Variants in DAAM1 observed in about 807,000 individuals in gnomAD.
DAAM1 encodes the protein dishevelled associated activator of morphogenesis 1.
Under a neutral mutation model 130.0 loss-of-function variants are expected in DAAM1, and 52 were observed. The ratio of observed to expected loss-of-function variants is 0.40; its 90% CI spans 0.32 to 0.50. The LOEUF is 0.50. DAAM1 is among the 20% of genes least tolerant of loss of function. The pLI, the probability that DAAM1 is intolerant of heterozygous loss-of-function variation, is 0.61. For synonymous variants in DAAM1, 452 were observed against 444.5 expected (o/e 1.02, Z -0.21); for missense variants, 1,134 against 1,303.8 (o/e 0.87, Z 2.01).
At chr14:59,347,466 G>T in intron 16 of DAAM1, 73 bp from the exon 17 acceptor site, 5 of 1,372,618 alleles carry the variant, frequency 3.6e-6, no homozygotes, top group Non-Finnish European at 5.1e-6. Flanking sequence ...CAGCAGCTGG[G>T]GTAGCAAAGT....
intron 23 of DAAM1, among the ~76,000 whole-genome samples, chr14:59,364,958 T>C (rs891924618): frequency 6.6e-6 from 1 of 152,200 alleles, no homozygotes; most frequent in East Asian, 1.9e-4. Flanking sequence ...CTCACCACTT[T>C]AGAGTTTGTG....
intron 6 of DAAM1, among the ~76,000 whole-genome samples, chr14:59,323,597 A>G (rs1885100857): frequency 6.6e-6 from 1 of 152,232 alleles, no homozygotes; most frequent in Non-Finnish European, 1.5e-5. Flanking sequence ...TTGGATGTAA[A>G]AAGCAAGCAG....
At chr14:59,205,883 G>C (rs1359649721) in intron 1 of DAAM1, among the ~76,000 whole-genome samples, 1 of 152,116 alleles carries the variant, frequency 6.6e-6, no homozygotes, top group Non-Finnish European at 1.5e-5. Flanking sequence ...TTCTGTAAAG[G>C]TTCGGGTGGT....
intron 3 of DAAM1, among the ~76,000 whole-genome samples, chr14:59,314,505 G>A (rs1304341171): frequency 6.6e-6 from 1 of 150,540 alleles, no homozygotes; most frequent in African/African-American, 2.4e-5. Flanking sequence ...TTGAGATTTG[G>A]CTTCAGGTTG....
rs752161436 is a variant in DAAM1, at chr14:59,350,024, CCTCT to C, written c.2160+2406_2160+2409del. 7.4e-4 allele frequency among the ~76,000 whole-genome samples: 112 copies of C among 152,132 alleles called. No homozygotes were observed. In the Middle Eastern group the frequency reaches 0.02, roughly 28 times the overall value. ...CTGAGGGAGGCTGGGGTGATGCTTT[CCTCT>C]CTCTTTTTCTTCCCTTCTTCTTGCC... is the stretch of plus-strand genomic sequence containing the variant. On this transcript the variant is annotated intron_variant, in intron 17 of 24. Transcript: ENST00000360909.
intron 1 of DAAM1, among the ~76,000 whole-genome samples, chr14:59,209,300 C>T (rs1004446413): frequency 2.0e-5 from 3 of 152,186 alleles, no homozygotes; most frequent in Non-Finnish European, 4.4e-5. Context: ...CTTCAGTTCA[C>T]AGTACAAGAT....
At chr14:59,235,542 A>AGTCTAGCTAGTG (rs1398411059) in intron 1 of DAAM1, among the ~76,000 whole-genome samples, 3 of 152,000 alleles carry the variant, frequency 2.0e-5, no homozygotes, top group Non-Finnish European at 4.4e-5. Context: ...CTTCTTTATT[A>AGTCTAGCTAGTG]GTCTAGCTAG....
At chr14:59,361,223 C>T (rs1254099120) in intron 22 of DAAM1, among the ~76,000 whole-genome samples, 1 of 152,164 alleles carries the variant, frequency 6.6e-6, no homozygotes, top group African/African-American at 2.4e-5. Flanking sequence ...TTCGGTAGAG[C>T]AGTAGAACTT....
At chr14:59,257,939 G>C (rs1400034149) in intron 1 of DAAM1, among the ~76,000 whole-genome samples, 1 of 152,128 alleles carries the variant, frequency 6.6e-6, no homozygotes, top group African/African-American at 2.4e-5. Context: ...CATGTGGTCA[G>C]GAGAGGCCAT....
chr14:59,276,801 AC>A (rs1328888347), intron 2 of DAAM1, among the ~76,000 whole-genome samples: 1 of 151,812 alleles, frequency 6.6e-6, no homozygotes, highest in East Asian at 1.9e-4. Context: ...AAAAAACAAA[AC>A]CCCCAAACAC....
intron 1 of DAAM1, among the ~76,000 whole-genome samples, chr14:59,240,623 C>T: frequency 6.6e-6 from 1 of 152,188 alleles, no homozygotes; most frequent in Non-Finnish European, 1.5e-5. Context: ...TTTGGGGTAG[C>T]TTCTGACACA....
intron 1 of DAAM1, among the ~76,000 whole-genome samples, chr14:59,229,505 C>T (rs1889040417): frequency 6.6e-6 from 1 of 152,158 alleles, no homozygotes; most frequent in Non-Finnish European, 1.5e-5. Context: ...GTAGGTAAAA[C>T]CAAGAATAAA....
chr14:59,229,972 G>A (rs1889051879), intron 1 of DAAM1, among the ~76,000 whole-genome samples: 1 of 152,188 alleles, frequency 6.6e-6, no homozygotes, highest in Non-Finnish European at 1.5e-5. Flanking sequence ...ACAGTGATAA[G>A]GGTAAATAAA....
intron 12 of DAAM1, among the ~76,000 whole-genome samples, chr14:59,329,544 A>G (rs1885339014): frequency 6.6e-6 from 1 of 152,236 alleles, no homozygotes. Context: ...AATAGAGACC[A>G]GCTCTATTAG....
At chr14:59,200,854 ACAGGATTCTTAAAGATC>A (rs1888075410) in intron 1 of DAAM1, among the ~76,000 whole-genome samples, 1 of 152,110 alleles carries the variant, frequency 6.6e-6, no homozygotes, top group Non-Finnish European at 1.5e-5. Flanking sequence ...GGCCCATTCT[ACAGGATTCTTAAAGATC>A]CCCAGGTAGG....
In DAAM1 at chr14:59,267,988, C is replaced by A. The variant is rs150218550; in HGVS notation, c.183+4328C>A. Among the ~76,000 whole-genome samples the A allele has an allele frequency of 3.0e-4, 45 of 151,292 alleles. No individual in the cohort carries two copies. In the East Asian group the frequency reaches 8.0e-3, roughly 27 times the overall value. Reference sequence around the variant, plus strand: ...TGCGATCTCGGCTCACTGCAACCTCCGCTTCCCGGGTTCAAGCGATTATTT... The same window carrying A: ...TGCGATCTCGGCTCACTGCAACCTCAGCTTCCCGGGTTCAAGCGATTATTT... On this transcript the variant is annotated intron_variant, in intron 2 of 24. Transcript: ENST00000360909.
chr14:59,352,570 G>A lies in DAAM1; in HGVS notation c.2205G>A (p.Glu735=), dbSNP rs761148806. 6 of 1,613,554 alleles carry A rather than the reference G, an allele frequency of 3.7e-6. No individual in the cohort carries two copies. Among genetic ancestry groups the A allele is most frequent in the African/African-American group, 1.3e-5 (1 of 75,010 alleles). The change falls in exon 18 of 25, where the codon GAG becomes GAA. Residue 735 remains glutamate (E), a synonymous_variant. Transcript: ENST00000360909. ...AAAAAAGTGACATTGACCTATTGGA[G>A]GAACATAAACACGAACTGGATCGGA... ...VPEKSDIDLL[E]EHKHELDRMA...
intron 1 of DAAM1, among the ~76,000 whole-genome samples, chr14:59,251,662 G>A (rs551454017): frequency 6.6e-6 from 1 of 152,196 alleles, no homozygotes; most frequent in South Asian, 2.1e-4. Flanking sequence ...GAGCCACACA[G>A]CACCTGAAAC....
intron 2 of DAAM1, among the ~76,000 whole-genome samples, chr14:59,288,253 C>T (rs185542276): frequency 1.3e-5 from 2 of 152,264 alleles, no homozygotes; most frequent in Non-Finnish European, 2.9e-5. Flanking sequence ...CTTTCTTTCA[C>T]ATAAGCAAAA....
Sources: gnomAD v4.1 joint callset for allele counts (sites outside exome capture counted in the v4.1 genomes callset) on GRCh38, gnomAD v4.1.1 for gene constraint, MANE v1.5 for transcripts, NCBI Gene and HGNC (gene_info 2026-07-23, HGNC 2026-07-21) for gene names.